SH3GL2: variants seen among roughly 807,000 people sequenced by gnomAD.
SH3GL2 encodes the protein SH3 domain containing GRB2 like 2, endophilin A1.
Under a neutral mutation model 46.0 loss-of-function variants are expected in SH3GL2, and 24 were observed. That is an observed-to-expected ratio of 0.52 (90% CI 0.38 to 0.73). The LOEUF (loss-of-function observed/expected upper bound fraction) is 0.73, where lower values mean the gene tolerates loss of function less well. Ranked by LOEUF, SH3GL2 falls within the 30% of genes least tolerant of loss-of-function variation. The pLI, the probability that SH3GL2 is intolerant of heterozygous loss-of-function variation, is 0.00. For synonymous variants in SH3GL2, 196 were observed against 147.1 expected, an observed-to-expected ratio of 1.33 and a Z score of -2.40; for missense variants, 413 against 424.2, an observed-to-expected ratio of 0.97 and a Z score of 0.23.
At chr9:17,709,680 T>TACACACACACACACACACACAC (rs3837228) in intron 1 of SH3GL2, among the ~76,000 whole-genome samples, 5 of 148,164 alleles carry the variant, frequency 3.4e-5, no homozygotes, top group African/African-American at 1.2e-4. Flanking sequence ...TTATTTGTAT[T>TACACACACACACACACACACAC]ACACACACAC....
intron 1 of SH3GL2, among the ~76,000 whole-genome samples, chr9:17,677,249 A>T (rs140050173): frequency 1.5e-4 from 23 of 152,098 alleles, no homozygotes; most frequent in African/African-American, 5.5e-4. Context: ...TCTCCTTTTT[A>T]TTCATTCTCA....
chr9:17,583,814 T>G (rs1024999780), intron 1 of SH3GL2, among the ~76,000 whole-genome samples: 4 of 152,212 alleles, frequency 2.6e-5, no homozygotes, highest in Non-Finnish European at 5.9e-5. Flanking sequence ...ATGCTGTATT[T>G]TATATGGATG....
At chr9:17,674,555 C>T (rs1386031160) in intron 1 of SH3GL2, among the ~76,000 whole-genome samples, 1 of 152,030 alleles carries the variant, frequency 6.6e-6, no homozygotes, top group African/African-American at 2.4e-5. Flanking sequence ...TGTGAGCCTG[C>T]CCAAAGCAAT....
chr9:17,728,453 T>A (rs568038803), intron 1 of SH3GL2, among the ~76,000 whole-genome samples: 11 of 152,254 alleles, frequency 7.2e-5, no homozygotes, highest in African/African-American at 2.6e-4. Context: ...TATTTTTAAA[T>A]TTTTAAAATT....
intron 1 of SH3GL2, among the ~76,000 whole-genome samples, chr9:17,703,140 T>A (rs1023596652): frequency 2.0e-5 from 3 of 152,010 alleles, no homozygotes; most frequent in Non-Finnish European, 4.4e-5. Context: ...GAGGTAGTAG[T>A]AGCCTGGGTG....
At chr9:17,765,365 G>C (rs1010766341) in intron 3 of SH3GL2, among the ~76,000 whole-genome samples, 1 of 152,164 alleles carries the variant, frequency 6.6e-6, no homozygotes, top group Non-Finnish European at 1.5e-5. Flanking sequence ...TCACGTCTTG[G>C]GGGTGTGGAG....
chr9:17,763,297 G>C (rs1458283837), intron 3 of SH3GL2, among the ~76,000 whole-genome samples: 1 of 152,116 alleles, frequency 6.6e-6, no homozygotes, highest in East Asian at 1.9e-4. Flanking sequence ...CCCAAATTCA[G>C]GTCCATCCAG....
At chr9:17,679,840 G>C (rs1043188089) in intron 1 of SH3GL2, among the ~76,000 whole-genome samples, 1 of 152,064 alleles carries the variant, frequency 6.6e-6, no homozygotes, top group Non-Finnish European at 1.5e-5. Flanking sequence ...TAGCATGAAG[G>C]GCTGTTGAAT....
chr9:17,744,169 T>C (rs1422462272), intron 1 of SH3GL2, among the ~76,000 whole-genome samples: 1 of 152,014 alleles, frequency 6.6e-6, no homozygotes, highest in African/African-American at 2.4e-5. Context: ...GTAAACCATG[T>C]ACTTGAAAAA....
chr9:17,739,122 A>G (rs1022296823), intron 1 of SH3GL2, among the ~76,000 whole-genome samples: 7 of 152,212 alleles, frequency 4.6e-5, no homozygotes, highest in African/African-American at 1.7e-4. Context: ...GGCCCAGGGT[A>G]GTTTGTAGTT....
At chr9:17,581,945 C>G (rs980500076) in intron 1 of SH3GL2, among the ~76,000 whole-genome samples, 1 of 152,056 alleles carries the variant, frequency 6.6e-6, no homozygotes, top group Admixed American at 6.5e-5. Flanking sequence ...GTGATCTGCC[C>G]GCCTCGATTA....
chr9:17,757,666 T>G (rs1318822281), intron 2 of SH3GL2, among the ~76,000 whole-genome samples: 1 of 152,172 alleles, frequency 6.6e-6, no homozygotes, highest in Non-Finnish European at 1.5e-5. Context: ...TTTTGGACAT[T>G]GAGAAAAATA....
rs560582426 is a variant in SH3GL2, at chr9:17,649,266, C to T, written c.45+69979C>T. ...ATTTTTAGTAGAGGCAGGGTTTTGC[C>T]GTGTTGGCTAGGCTGGTCTCGAACT... is the stretch of plus-strand genomic sequence containing the variant. On this transcript the variant is annotated intron_variant, in intron 1 of 8. Coordinates refer to ENST00000380607, the MANE Select transcript of SH3GL2 (RefSeq NM_003026.5). 3.9e-5 allele frequency among the ~76,000 whole-genome samples: 6 copies of T among 152,268 alleles called. No individual in the cohort carries two copies. The South Asian group carries it at 1.0e-3, about 26-fold the overall frequency.
At position 17,705,596 on chromosome 9, in the gene SH3GL2, T is replaced by G. The variant is rs556974609; in HGVS notation, c.46-41470T>G. 1.3e-3 allele frequency among the ~76,000 whole-genome samples: 198 copies of G among 152,152 alleles called. 1 individual carries two copies. Among genetic ancestry groups the G allele is most frequent in the South Asian group, 0.013 (62 of 4,818 alleles). ...GACTGGATAAAGAAAATGTGGTTTA[T>G]ATACACCACGGAGTACTACGCAGCT... On this transcript the variant is annotated intron_variant, in intron 1 of 8. Transcript: ENST00000380607.
intron 1 of SH3GL2, among the ~76,000 whole-genome samples, chr9:17,604,758 C>T (rs890861483): frequency 9.2e-5 from 14 of 152,062 alleles, no homozygotes; most frequent in African/African-American, 2.9e-4. Context: ...TCTACTAAGG[C>T]GTGGTCTTCA....
At chr9:17,792,772 C>A (rs1430066795) in intron 7 of SH3GL2, among the ~76,000 whole-genome samples, 1 of 152,172 alleles carries the variant, frequency 6.6e-6, no homozygotes, top group Non-Finnish European at 1.5e-5. Flanking sequence ...CTCCTTCCCA[C>A]CTTCACCCAC....
At chr9:17,768,532 G>A (rs1204495212) in intron 3 of SH3GL2, among the ~76,000 whole-genome samples, 1 of 152,032 alleles carries the variant, frequency 6.6e-6, no homozygotes, top group Non-Finnish European at 1.5e-5. Context: ...CCTCAGCATG[G>A]CCTTTAAGAT....
chr9:17,588,034 C>T lies in SH3GL2; in HGVS notation c.45+8747C>T, dbSNP rs367656694. On this transcript the variant is annotated intron_variant, in intron 1 of 8. Coordinates refer to ENST00000380607, the MANE Select transcript of SH3GL2 (RefSeq NM_003026.5). ...ATCCAGTAGACTTGGTTGTGTTACTCTGAACTTAACAAGAGGGCCTGATAC... is the reference window on the plus strand; with the variant it reads ...ATCCAGTAGACTTGGTTGTGTTACTTTGAACTTAACAAGAGGGCCTGATAC... 1.3e-4 allele frequency among the ~76,000 whole-genome samples: 20 copies of T among 152,236 alleles called. 1 individual carries two copies. In the South Asian group the frequency reaches 4.1e-3, roughly 32 times the overall value.
chr9:17,754,679 A>T (rs1026968033), intron 2 of SH3GL2, among the ~76,000 whole-genome samples: 3 of 152,180 alleles, frequency 2.0e-5, no homozygotes, highest in Non-Finnish European at 4.4e-5. Context: ...TCTCAAAAAA[A>T]TAAAATAAAT....
Sources: allele counts gnomAD v4.1 joint callset (sites outside exome capture counted in the v4.1 genomes callset), GRCh38; gene constraint gnomAD v4.1.1; transcripts MANE v1.5; gene names NCBI Gene and HGNC (gene_info 2026-07-23, HGNC 2026-07-21).